IGF2BP3: variants seen among roughly 807,000 people sequenced by gnomAD.
IGF2BP3 encodes insulin-like growth factor 2 mRNA-binding protein 3.
Under a neutral mutation model 73.8 loss-of-function variants are expected in IGF2BP3, and 9 were observed. The ratio of observed to expected loss-of-function variants is 0.12; its 90% CI spans 0.07 to 0.21. IGF2BP3 has a LOEUF of 0.21. IGF2BP3 is among the 10% of genes least tolerant of loss of function. The pLI is 1.00. For missense variants in IGF2BP3, 542 were observed against 714.0 expected (o/e 0.76, Z 2.75); for synonymous variants, 258 against 256.7 (o/e 1.01, Z -0.05).
At chr7:23,337,997 T>C (rs1395105704) in intron 10 of IGF2BP3, among the ~76,000 whole-genome samples, 2 of 152,048 alleles carry the variant, frequency 1.3e-5, no homozygotes, top group Non-Finnish European at 2.9e-5. Context: ...ACTCTTCTCA[T>C]GAAAAAGGAA....
At chr7:23,362,209 C>T (rs756152202) in intron 3 of IGF2BP3, among the ~76,000 whole-genome samples, 1 of 151,466 alleles carries the variant, frequency 6.6e-6, no homozygotes, top group African/African-American at 2.4e-5. Context: ...GCCAGGAGTT[C>T]GAGACCAGCC....
chr7:23,327,849 C>A (rs1784344127), intron 10 of IGF2BP3, among the ~76,000 whole-genome samples: 1 of 152,112 alleles, frequency 6.6e-6, no homozygotes, highest in Non-Finnish European at 1.5e-5. Flanking sequence ...AGAGCAGAGG[C>A]AAAGAGCAGA....
intron 3 of IGF2BP3, among the ~76,000 whole-genome samples, chr7:23,367,862 A>G (rs1785425657): frequency 6.6e-6 from 1 of 152,082 alleles, no homozygotes; most frequent in Non-Finnish European, 1.5e-5. Context: ...TTAGCTGGAC[A>G]TGGTGGCACG....
chr7:23,324,179 C>T (rs1474623372), intron 10 of IGF2BP3, among the ~76,000 whole-genome samples: 3 of 151,550 alleles, frequency 2.0e-5, no homozygotes, highest in Non-Finnish European at 4.4e-5. Context: ...GCTAGCAAGA[C>T]TAATCAAGAA....
chr7:23,321,269 G>A (rs1302593758), intron 10 of IGF2BP3, among the ~76,000 whole-genome samples: 1 of 149,888 alleles, frequency 6.7e-6, no homozygotes, highest in Non-Finnish European at 1.5e-5. Context: ...GGAAGCGCAA[G>A]GGGTCAGGGA....
intron 3 of IGF2BP3, among the ~76,000 whole-genome samples, chr7:23,381,184 A>G (rs1008582616): frequency 6.6e-6 from 1 of 152,228 alleles, no homozygotes; most frequent in African/African-American, 2.4e-5. Flanking sequence ...GCCACCAAAC[A>G]CACTGGATTC....
At chr7:23,338,593 T>A (rs1284090031) in intron 10 of IGF2BP3, among the ~76,000 whole-genome samples, 1 of 152,200 alleles carries the variant, frequency 6.6e-6, no homozygotes, top group East Asian at 1.9e-4. Flanking sequence ...CTGAGATTTT[T>A]ATTTATTTAA....
chr7:23,326,177 G>C (rs551756151), intron 10 of IGF2BP3, among the ~76,000 whole-genome samples: 1 of 152,130 alleles, frequency 6.6e-6, no homozygotes, highest in Non-Finnish European at 1.5e-5. Context: ...TCTGACAAAG[G>C]GTTAATATCC....
intron 5 of IGF2BP3, 183 bp downstream of exon 5, chr7:23,361,351 A>T: frequency 1.8e-6 from 1 of 558,308 alleles, no homozygotes; most frequent in African/African-American, 1.9e-5. Context: ...TACAACTTTA[A>T]CCAATGTAGA....
chr7:23,408,959 C>A (rs1057262857), intron 3 of IGF2BP3, among the ~76,000 whole-genome samples: 1 of 145,720 alleles, frequency 6.9e-6, no homozygotes, highest in Non-Finnish European at 1.5e-5. Flanking sequence ...AATTTTTCCA[C>A]GGACAGAGAG....
intron 2 of IGF2BP3, among the ~76,000 whole-genome samples, chr7:23,458,486 C>T (rs1323090495): frequency 6.6e-6 from 1 of 152,084 alleles, no homozygotes; most frequent in Non-Finnish European, 1.5e-5. Context: ...AGACAGACAC[C>T]GTGGACTCCA....
intron 3 of IGF2BP3, among the ~76,000 whole-genome samples, chr7:23,391,382 G>C (rs1267140692): frequency 6.6e-6 from 1 of 152,160 alleles, no homozygotes; most frequent in South Asian, 2.1e-4. Context: ...TTACAGGTGT[G>C]AGCCACCGTG....
intron 2 of IGF2BP3, among the ~76,000 whole-genome samples, chr7:23,466,638 G>A (rs973682027): frequency 6.6e-6 from 1 of 152,168 alleles, no homozygotes; most frequent in Non-Finnish European, 1.5e-5. Flanking sequence ...AAAGTAACAA[G>A]TAACTAAGTA....
chr7:23,415,553 C>T (rs572137022), intron 3 of IGF2BP3: 6 of 267,104 alleles, frequency 2.2e-5, no homozygotes, highest in South Asian at 6.5e-5. Flanking sequence ...TCACCGCATC[C>T]GCAGGTCCCT....
In IGF2BP3 at chr7:23,312,438, T is replaced by G. The variant is rs1418843895; in HGVS notation, c.1664A>C (p.Glu555Ala). The part of the protein sequence containing the change: ...ACQVAQRKIQ[E>A]ILTQVKQHQQ... ...GTGCTGCTTTACCTGAGTCAGAATT[T>G]CCTGAATTTTTCTCTGGGCAACCTA... Residue 555 changes from glutamate to alanine, a missense_variant, in exon 15 of 15, where the codon GAA becomes GCA. Around this residue, in one of 2 missense-constraint regions of IGF2BP3, gnomAD observed 303 missense variants for 472.1 expected, o/e 0.64. Transcript: ENST00000258729. 1 of 1,613,842 alleles carries G rather than the reference T, an allele frequency of 6.2e-7. No individual in the cohort carries two copies. The highest frequency in any genetic ancestry group is 1.3e-5 in the African/African-American group (1 of 74,914).
chr7:23,404,298 T>G (rs1249164591), intron 3 of IGF2BP3, among the ~76,000 whole-genome samples: 1 of 152,132 alleles, frequency 6.6e-6, no homozygotes, highest in East Asian at 1.9e-4. Context: ...GAGTGAAAGA[T>G]AGACACATCA....
At chr7:23,343,971 G>C in intron 8 of IGF2BP3, 118 bp from the exon 9 acceptor site, 1 of 959,754 alleles carries the variant, frequency 1.0e-6, no homozygotes, top group Non-Finnish European at 1.5e-6. Flanking sequence ...TGTAAAAGTG[G>C]GTGGTAAAAC....
intron 2 of IGF2BP3, among the ~76,000 whole-genome samples, chr7:23,445,066 A>T (rs751205139): frequency 3.9e-5 from 6 of 152,190 alleles, no homozygotes; most frequent in Non-Finnish European, 7.3e-5. Flanking sequence ...TCTAAAAAAC[A>T]ACAATAAATA....
At chr7:23,408,401 C>T (rs1268107909) in intron 3 of IGF2BP3, among the ~76,000 whole-genome samples, 1 of 151,816 alleles carries the variant, frequency 6.6e-6, no homozygotes, top group African/African-American at 2.4e-5. Context: ...GGTCAACACA[C>T]AAAAATTTAA....
Sources: gnomAD v4.1 joint callset for allele counts (sites outside exome capture counted in the v4.1 genomes callset) on GRCh38, gnomAD v4.1.1 for gene constraint, gnomAD v4.1.1 regional missense constraint, MANE v1.5 for transcripts, NCBI Gene and HGNC (gene_info 2026-07-23, HGNC 2026-07-21) for gene names.